ABTB3: variants seen among roughly 807,000 people sequenced by gnomAD.
The protein encoded by ABTB3 is ankyrin repeat- and BTB/POZ domain-containing protein 3.
chr12:107,642,022 CAG>C, the ABTB3 span: 3 of 1,416,390 alleles, frequency 2.1e-6, no homozygotes, highest in South Asian at 2.3e-5. Context: ...GTCAGGAGAG[CAG>C]AGTTTTTTGT....
At chr12:107,595,669 C>T in the ABTB3 span, among the ~76,000 whole-genome samples, 5 of 152,090 alleles carry the variant, frequency 3.3e-5, no homozygotes, top group Non-Finnish European at 7.4e-5. Context: ...GAATAGACTC[C>T]AGCAATAGCC....
the ABTB3 span, among the ~76,000 whole-genome samples, chr12:107,505,516 T>C: frequency 6.6e-6 from 1 of 152,068 alleles, no homozygotes; most frequent in African/African-American, 2.4e-5. Flanking sequence ...ATTGGCTCGA[T>C]TGGTTAGTTA....
At chr12:107,411,690 C>A in the ABTB3 span, among the ~76,000 whole-genome samples, 1 of 152,176 alleles carries the variant, frequency 6.6e-6, no homozygotes, top group Non-Finnish European at 1.5e-5. Context: ...GCCTCATGAG[C>A]TATACAGATT....
chr12:107,519,637 G>A, the ABTB3 span, among the ~76,000 whole-genome samples: 1 of 152,112 alleles, frequency 6.6e-6, no homozygotes, highest in South Asian at 2.1e-4. Flanking sequence ...TTTTTCTTAT[G>A]ACCAAGGCAG....
At chr12:107,613,672 C>G in the ABTB3 span, among the ~76,000 whole-genome samples, 1 of 152,140 alleles carries the variant, frequency 6.6e-6, no homozygotes. Flanking sequence ...CACCCACACC[C>G]CAACCTCGTC....
the ABTB3 span, among the ~76,000 whole-genome samples, chr12:107,468,390 C>T: frequency 3.3e-5 from 5 of 152,064 alleles, no homozygotes; most frequent in African/African-American, 7.2e-5. Flanking sequence ...AGTTTAAAGG[C>T]GCTCCAGCTT....
At chr12:107,455,605 G>A in the ABTB3 span, among the ~76,000 whole-genome samples, 1 of 152,174 alleles carries the variant, frequency 6.6e-6, no homozygotes, top group Non-Finnish European at 1.5e-5. Context: ...AACTCAAAAT[G>A]ACTTAAACAA....
the ABTB3 span, among the ~76,000 whole-genome samples, chr12:107,590,485 G>A: frequency 6.6e-6 from 1 of 152,174 alleles, no homozygotes; most frequent in East Asian, 1.9e-4. Flanking sequence ...AACTAAGATC[G>A]AAAGAGGTCA....
chr12:107,328,316 T>A, the ABTB3 span, among the ~76,000 whole-genome samples: 1 of 152,208 alleles, frequency 6.6e-6, no homozygotes, highest in Non-Finnish European at 1.5e-5. Context: ...ATAGAATACT[T>A]GTGAGGAGCA....
the ABTB3 span, among the ~76,000 whole-genome samples, chr12:107,619,697 A>T: frequency 4.6e-5 from 7 of 152,218 alleles, no homozygotes; most frequent in Non-Finnish European, 8.8e-5. Context: ...CACGATGATT[A>T]CATCTTGTGA....
At chr12:107,522,448 G>A in the ABTB3 span, among the ~76,000 whole-genome samples, 1 of 151,708 alleles carries the variant, frequency 6.6e-6, no homozygotes, top group Non-Finnish European at 1.5e-5. Flanking sequence ...TATTTACCAG[G>A]GTATGCAACC....
the ABTB3 span, among the ~76,000 whole-genome samples, chr12:107,401,276 A>G: frequency 6.6e-6 from 1 of 152,196 alleles, no homozygotes; most frequent in African/African-American, 2.4e-5. Context: ...GGAGGTGATT[A>G]CGTAACCCCA....
chr12:107,348,886 G>A, the ABTB3 span, among the ~76,000 whole-genome samples: 1 of 152,200 alleles, frequency 6.6e-6, no homozygotes, highest in African/African-American at 2.4e-5. Flanking sequence ...CCCTTGGGAG[G>A]TGACACTTGA....
chr12:107,336,348 T>G, the ABTB3 span, among the ~76,000 whole-genome samples: 2 of 152,224 alleles, frequency 1.3e-5, no homozygotes, highest in African/African-American at 4.8e-5. Context: ...TCGTCTAATC[T>G]GGTTGATTTT....
At chr12:107,515,621 A>G in the ABTB3 span, among the ~76,000 whole-genome samples, 2 of 152,210 alleles carry the variant, frequency 1.3e-5, no homozygotes, top group Middle Eastern at 6.3e-3. Context: ...CCTCTGACTT[A>G]ATGTCTTGGC....
the ABTB3 span, chr12:107,580,921 G>A: frequency 1.9e-6 from 3 of 1,551,516 alleles, no homozygotes; most frequent in African/African-American, 1.4e-5. Context: ...GGAAACTGAG[G>A]CCCAAGGATT....
chr12:107,319,101 C>T, the ABTB3 span: 2 of 1,609,106 alleles, frequency 1.2e-6, no homozygotes, highest in Admixed American at 1.7e-5. Context: ...TGCTGGCCGC[C>T]TCTAGCTGAC....
At chr12:107,503,021 C>T in the ABTB3 span, among the ~76,000 whole-genome samples, 1 of 152,170 alleles carries the variant, frequency 6.6e-6, no homozygotes, top group African/African-American at 2.4e-5. Context: ...TTGTTACTTA[C>T]AGTTCCCAAG....
chr12:107,529,201 T>C, the ABTB3 span, among the ~76,000 whole-genome samples: 3 of 148,296 alleles, frequency 2.0e-5, no homozygotes, highest in African/African-American at 7.7e-5. Flanking sequence ...GTGATGGTGA[T>C]GATGATGATG....
Sources: allele counts gnomAD v4.1 joint callset (sites outside exome capture counted in the v4.1 genomes callset), GRCh38; gene constraint gnomAD v4.1.1; transcripts MANE v1.5; gene names NCBI Gene and HGNC (gene_info 2026-07-23, HGNC 2026-07-21).